The following CNTN5 variants were observed in gnomAD, a reference collection of about 807,000 sequenced individuals.
CNTN5 encodes contactin 5, also known as contactin-5.
Under a neutral mutation model 129.1 loss-of-function variants are expected in CNTN5, and 77 were observed. The observed-to-expected ratio is 0.60, with a 90% CI of 0.50 to 0.72. The LOEUF (loss-of-function observed/expected upper bound fraction) is 0.72. Among genes scored for constraint, CNTN5 ranks in the 30% least tolerant of loss-of-function variants. CNTN5 has a pLI of 0.00. For synonymous variants in CNTN5, 509 were observed against 465.6 expected (o/e 1.09, Z -1.20); for missense variants, 1,478 against 1,328.8 (o/e 1.11, Z -1.75).
intron 3 of CNTN5, among the ~76,000 whole-genome samples, chr11:99,755,178 G>A (rs1285868116): frequency 6.6e-6 from 1 of 152,036 alleles, no homozygotes; most frequent in African/African-American, 2.4e-5. Flanking sequence ...GAATGAAACT[G>A]TTATAAACAG....
rs545966620 is a variant in CNTN5 at position 100,173,281 on chromosome 11, G to C, written c.1581-17845G>C. Among the ~76,000 whole-genome samples the C allele has an allele frequency of 1.1e-4, 17 of 152,208 alleles. No individual in the cohort carries two copies. In the South Asian group the frequency reaches 3.3e-3, roughly 30 times the overall value. ...GACATTTTTTGCACACTTTAGCGTA[G>C]TGGGGGTTGCTAGGCTTTTTCTTAA... On this transcript the variant is annotated intron_variant, in intron 13 of 24. Transcript: ENST00000524871.
At chr11:100,141,941 C>G (rs1946707601) in intron 13 of CNTN5, among the ~76,000 whole-genome samples, 1 of 151,922 alleles carries the variant, frequency 6.6e-6, no homozygotes, top group Non-Finnish European at 1.5e-5. Flanking sequence ...AAAGAGCTGC[C>G]CTCAATGTGG....
At chr11:99,856,648 AG>A (rs1485261296) in intron 6 of CNTN5, among the ~76,000 whole-genome samples, 2 of 152,092 alleles carry the variant, frequency 1.3e-5, no homozygotes, top group Non-Finnish European at 2.9e-5. Flanking sequence ...TTGATCACAT[AG>A]TGCTCTTTGG....
At chr11:99,812,800 C>T (rs554782518) in intron 3 of CNTN5, among the ~76,000 whole-genome samples, 1 of 152,132 alleles carries the variant, frequency 6.6e-6, no homozygotes, top group East Asian at 1.9e-4. Context: ...CGTAGCCAAG[C>T]GTGGAGCTTT....
intron 2 of CNTN5, among the ~76,000 whole-genome samples, chr11:99,356,283 G>A (rs1938664831): frequency 6.6e-6 from 1 of 151,968 alleles, no homozygotes; most frequent in Admixed American, 6.6e-5. Context: ...CAAATCATAT[G>A]TGACCATGTA....
intron 2 of CNTN5, among the ~76,000 whole-genome samples, chr11:99,335,401 T>A (rs575966638): frequency 6.6e-6 from 1 of 152,168 alleles, no homozygotes; most frequent in African/African-American, 2.4e-5. Context: ...ATTCTAGACA[T>A]TTTTTATAAT....
At chr11:99,942,822 C>A (rs997668320) in intron 7 of CNTN5, among the ~76,000 whole-genome samples, 1 of 151,990 alleles carries the variant, frequency 6.6e-6, no homozygotes, top group Non-Finnish European at 1.5e-5. Context: ...ATGATGAATT[C>A]CAGCTTCATC....
intron 20 of CNTN5, among the ~76,000 whole-genome samples, chr11:100,305,042 G>A (rs1032567436): frequency 2.0e-5 from 3 of 151,252 alleles, no homozygotes; most frequent in Non-Finnish European, 3.0e-5. Context: ...ACAAAAGAGG[G>A]AACTATCTAT....
At chr11:99,853,153 C>G (rs1947927058) in intron 6 of CNTN5, among the ~76,000 whole-genome samples, 1 of 152,008 alleles carries the variant, frequency 6.6e-6, no homozygotes, top group African/African-American at 2.4e-5. Flanking sequence ...CAAGTCAGAA[C>G]AGAATATGTA....
intron 4 of CNTN5, among the ~76,000 whole-genome samples, chr11:99,837,971 T>C (rs962989194): frequency 1.3e-5 from 2 of 152,110 alleles, no homozygotes; most frequent in African/African-American, 4.8e-5. Context: ...CAAATTTTAA[T>C]CTTAAAATAT....
At chr11:99,077,349 A>G (rs1865620296) in intron 1 of CNTN5, among the ~76,000 whole-genome samples, 1 of 152,228 alleles carries the variant, frequency 6.6e-6, no homozygotes, top group Non-Finnish European at 1.5e-5. Flanking sequence ...TCTTTGCTAA[A>G]ACATTGACCT....
At chr11:99,095,193 T>C (rs1468976243) in intron 1 of CNTN5, among the ~76,000 whole-genome samples, 2 of 151,944 alleles carry the variant, frequency 1.3e-5, no homozygotes, top group Non-Finnish European at 2.9e-5. Flanking sequence ...TCAGATATGA[T>C]TGATGCAAAA....
At chr11:99,552,585 C>T (rs1335946472) in intron 2 of CNTN5, among the ~76,000 whole-genome samples, 2 of 152,076 alleles carry the variant, frequency 1.3e-5, no homozygotes, top group Admixed American at 6.6e-5. Flanking sequence ...TGATTTAAAA[C>T]TCTAAGGTAT....
chr11:100,288,210 G>A (rs546661318), intron 18 of CNTN5, among the ~76,000 whole-genome samples: 3,062 of 152,146 alleles, frequency 0.02, 106 homozygotes, highest in African/African-American at 0.07. Context: ...GAGACAGAAA[G>A]TCAACAAGGA....
chr11:99,277,099 T>C (rs974118040), intron 1 of CNTN5, among the ~76,000 whole-genome samples: 2 of 151,698 alleles, frequency 1.3e-5, no homozygotes, highest in African/African-American at 2.4e-5. Flanking sequence ...TGAAAATCTT[T>C]GCTAATCATA....
chr11:99,762,478 C>A lies in CNTN5; in HGVS notation c.56-57066C>A, dbSNP rs1205716840. ...GGAAGGGATCCAGTTTCAGCTTTCT[C>A]CATATGGCTAGCCAATTTTCCCAGC... On this transcript the variant is annotated intron_variant, in intron 3 of 24. Transcript: ENST00000524871. Among the ~76,000 whole-genome samples, 11 of 151,624 alleles carry A rather than the reference C, an allele frequency of 7.3e-5. No individual in the cohort carries two copies. The East Asian group carries it at 1.2e-3, about 16-fold the overall frequency.
At chr11:99,128,807 G>T (rs2135427290) in intron 1 of CNTN5, among the ~76,000 whole-genome samples, 1 of 152,166 alleles carries the variant, frequency 6.6e-6, no homozygotes, top group East Asian at 1.9e-4. Flanking sequence ...GCCTCCACTG[G>T]TGATATCCAG....
intron 1 of CNTN5, among the ~76,000 whole-genome samples, chr11:99,127,054 A>G (rs7932979): frequency 0.013 from 2,033 of 152,068 alleles, 48 homozygotes; most frequent in African/African-American, 0.046. Context: ...TTTACTCCCA[A>G]TTCCAACTTA....
chr11:99,038,000 T>C (rs1007238742), intron 1 of CNTN5, among the ~76,000 whole-genome samples: 1 of 152,194 alleles, frequency 6.6e-6, no homozygotes, highest in Non-Finnish European at 1.5e-5. Flanking sequence ...AATTTTTTAT[T>C]AATTTAGAGC....
Sources: allele counts gnomAD v4.1 joint callset (sites outside exome capture counted in the v4.1 genomes callset), GRCh38; gene constraint gnomAD v4.1.1; transcripts MANE v1.5; gene names NCBI Gene and HGNC (gene_info 2026-07-23, HGNC 2026-07-21).